Variants in FAM3C observed in about 807,000 individuals in gnomAD.
FAM3C encodes protein FAM3C.
A neutral mutation model predicts 32.5 loss-of-function variants in FAM3C; 15 were observed. That is an observed-to-expected ratio of 0.46 (90% CI 0.31 to 0.71). FAM3C has a LOEUF of 0.71. Ranked by LOEUF, FAM3C falls within the 30% of genes least tolerant of loss-of-function variation. The pLI, the probability that FAM3C is intolerant of heterozygous loss-of-function variation, is 0.05. For missense variants in FAM3C, 175 were observed against 274.4 expected (o/e 0.64, Z 2.56); for synonymous variants, 75 against 86.1 (o/e 0.87, Z 0.72).
chr7:121,376,827 C>A (rs1025747650), intron 3 of FAM3C, among the ~76,000 whole-genome samples: 1 of 152,170 alleles, frequency 6.6e-6, no homozygotes, highest in African/African-American at 2.4e-5. Flanking sequence ...GGACAGGGAT[C>A]TCAGCCTCAC....
chr7:121,369,520 G>A (rs1048449731), intron 5 of FAM3C, among the ~76,000 whole-genome samples: 1 of 152,140 alleles, frequency 6.6e-6, no homozygotes, highest in African/African-American at 2.4e-5. Context: ...GGATGGATAG[G>A]TGGCCTGCCT....
At chr7:121,362,750 C>T in intron 7 of FAM3C, 147 bp downstream of exon 7, 1 of 619,148 alleles carries the variant, frequency 1.6e-6, no homozygotes, top group South Asian at 2.0e-5. Flanking sequence ...AACTTAAATA[C>T]AGCTGGACAT....
intron 2 of FAM3C, among the ~76,000 whole-genome samples, chr7:121,379,247 C>G (rs914753487): frequency 4.6e-5 from 7 of 152,068 alleles, no homozygotes; most frequent in Non-Finnish European, 8.8e-5. Context: ...ACTGCTTGAA[C>G]CATCTGCCTA....
intron 1 of FAM3C, among the ~76,000 whole-genome samples, chr7:121,392,303 T>A (rs963811435): frequency 2.0e-5 from 3 of 152,152 alleles, no homozygotes; most frequent in African/African-American, 7.2e-5. Flanking sequence ...CCCACATGGC[T>A]GGGGAGGTGT....
At chr7:121,393,772 C>T (rs1794627142) in intron 1 of FAM3C, among the ~76,000 whole-genome samples, 1 of 152,074 alleles carries the variant, frequency 6.6e-6, no homozygotes, top group Non-Finnish European at 1.5e-5. Flanking sequence ...GGGAAATTAC[C>T]TGGTTCAGTC....
chr7:121,364,226 T>C, intron 5 of FAM3C, 38 bp from the exon 6 acceptor site: 2 of 1,273,456 alleles, frequency 1.6e-6, no homozygotes, highest in Non-Finnish European at 2.3e-6. Flanking sequence ...TAGAATTAAA[T>C]ATTGTACAAT....
At chr7:121,359,906 A>G in intron 8 of FAM3C, 137 bp downstream of exon 8, 1 of 612,836 alleles carries the variant, frequency 1.6e-6, no homozygotes, top group South Asian at 2.0e-5. Flanking sequence ...GAGGCAAAGT[A>G]AAAACAAAAA....
At chr7:121,361,598 T>C (rs1374941400) in intron 7 of FAM3C, among the ~76,000 whole-genome samples, 1 of 152,224 alleles carries the variant, frequency 6.6e-6, no homozygotes, top group African/African-American at 2.4e-5. Flanking sequence ...CTAAAATTGA[T>C]GGTCCCATTT....
chr7:121,377,500 T>C (rs1442805754), intron 3 of FAM3C, among the ~76,000 whole-genome samples: 1 of 152,214 alleles, frequency 6.6e-6, no homozygotes, highest in Non-Finnish European at 1.5e-5. Flanking sequence ...TTTTTATGCT[T>C]ATTTAATATT....
intron 3 of FAM3C, among the ~76,000 whole-genome samples, chr7:121,374,639 T>G (rs1362548486): frequency 6.6e-6 from 1 of 152,156 alleles, no homozygotes; most frequent in African/African-American, 2.4e-5. Flanking sequence ...TAGTCTGAAA[T>G]GAGAATTAAA....
chr7:121,391,654 T>G (rs184643951), intron 1 of FAM3C, among the ~76,000 whole-genome samples: 94 of 152,332 alleles, frequency 6.2e-4, no homozygotes, highest in African/African-American at 2.1e-3. Context: ...AGGGTAGACA[T>G]AATTCCATCA....
At position 121,359,134 on chromosome 7, in the gene FAM3C, A is replaced by C. The variant is rs536953585; in HGVS notation, c.467+909T>G. Among the ~76,000 whole-genome samples the C allele has an allele frequency of 3.9e-5, 6 of 151,998 alleles. No homozygotes were observed. The East Asian group carries it at 1.2e-3, about 29-fold the overall frequency. On this transcript the variant is annotated intron_variant, in intron 8 of 9. Transcript: ENST00000359943. ...AGAAAAATATAAAATTGGTAAAAAA[A>C]TTTTTAAAATCCATTTTTAAAAACA...
At chr7:121,393,506 GA>G (rs1282849907) in intron 1 of FAM3C, among the ~76,000 whole-genome samples, 4 of 151,914 alleles carry the variant, frequency 2.6e-5, no homozygotes, top group African/African-American at 9.7e-5. Flanking sequence ...AAAATTGGAA[GA>G]AAAAACTCAC....
rs140530707 is a variant in FAM3C, at chr7:121,375,274, G to C, written c.119-3135C>G. 3.2e-3 allele frequency among the ~76,000 whole-genome samples: 488 copies of C among 152,250 alleles called. 3 individuals carry two copies. Among genetic ancestry groups the C allele is most frequent in the African/African-American group, 0.011 (444 of 41,534 alleles). On this transcript the variant is annotated intron_variant, in intron 3 of 9. Coordinates refer to ENST00000359943, the MANE Select transcript of FAM3C (RefSeq NM_014888.3). ...ATTTATGCAAAGTTCTAAAAAATGA[G>C]AAAGATGTGCAGGGTGAGGAACCAG...
chr7:121,353,733 A>G lies in FAM3C; in HGVS notation c.468-2464T>C, dbSNP rs1328295367. Among the ~76,000 whole-genome samples the G allele has an allele frequency of 2.0e-5, 3 of 152,242 alleles. No individual in the cohort carries two copies. The East Asian group carries it at 5.8e-4, about 29-fold the overall frequency. On this transcript the variant is annotated intron_variant, in intron 8 of 9. Coordinates refer to ENST00000359943, the MANE Select transcript of FAM3C (RefSeq NM_014888.3). ...GAGTCCCTAATAAGCTTCCTTGCAGACAACATTTCCCATGTGTTGTCCTAA... is the reference window on the plus strand; with the variant it reads ...GAGTCCCTAATAAGCTTCCTTGCAGGCAACATTTCCCATGTGTTGTCCTAA...
At chr7:121,350,753 T>C (rs993625331) in intron 9 of FAM3C, among the ~76,000 whole-genome samples, 2 of 152,188 alleles carry the variant, frequency 1.3e-5, no homozygotes, top group African/African-American at 4.8e-5. Context: ...AAAGAATACA[T>C]TGCACGTGCT....
chr7:121,387,280 A>C (rs941699664), intron 1 of FAM3C, among the ~76,000 whole-genome samples: 4 of 152,066 alleles, frequency 2.6e-5, no homozygotes, highest in African/African-American at 9.7e-5. Context: ...GTACTTTGTC[A>C]ACCCCTAATA....
chr7:121,376,431 G>C (rs1330034905), intron 3 of FAM3C, among the ~76,000 whole-genome samples: 1 of 152,128 alleles, frequency 6.6e-6, no homozygotes. Context: ...AAATTACTTG[G>C]GAGTACAAAA....
intron 5 of FAM3C, among the ~76,000 whole-genome samples, chr7:121,366,981 A>C (rs1296615114): frequency 6.6e-6 from 1 of 152,214 alleles, no homozygotes; most frequent in Non-Finnish European, 1.5e-5. Flanking sequence ...ATCATAAAGC[A>C]AAGAAATAAA....
Sources: allele counts gnomAD v4.1 joint callset (sites outside exome capture counted in the v4.1 genomes callset), GRCh38; gene constraint gnomAD v4.1.1; transcripts MANE v1.5; gene names NCBI Gene and HGNC (gene_info 2026-07-23, HGNC 2026-07-21).